Variants in ADAM18 observed in about 807,000 individuals in gnomAD.
ADAM18 encodes disintegrin and metalloproteinase domain-containing protein 18.
Under a neutral mutation model 94.4 loss-of-function variants are expected in ADAM18, and 117 were observed. The observed-to-expected ratio is 1.24, with a 90% CI of 1.07 to 1.45. ADAM18 has a LOEUF of 1.45. Ranked by LOEUF, ADAM18 falls within the 40% of genes most tolerant of loss-of-function variation. The probability of loss-of-function intolerance (pLI) is 0.00; values close to 1 mark genes in which losing one functional copy is unlikely to be tolerated. For missense variants in ADAM18, 936 were observed against 880.0 expected (o/e 1.06, Z -0.81); for synonymous variants, 327 against 291.6 (o/e 1.12, Z -1.24).
At chr8:39,680,973 T>C (rs879664103) in intron 16 of ADAM18, among the ~76,000 whole-genome samples, 8 of 152,212 alleles carry the variant, frequency 5.3e-5, no homozygotes, top group Non-Finnish European at 7.3e-5. Context: ...GAAACCTCTA[T>C]GTGGTAATCT....
chr8:39,621,934 A>G (rs1220265997), intron 6 of ADAM18, among the ~76,000 whole-genome samples: 1 of 152,156 alleles, frequency 6.6e-6, no homozygotes, highest in African/African-American at 2.4e-5. Flanking sequence ...AGGGTGGAGG[A>G]TGAGAAGAGG....
intron 18 of ADAM18, 108 bp downstream of exon 18, chr8:39,707,012 T>G: frequency 1.6e-6 from 1 of 619,612 alleles, no homozygotes; most frequent in South Asian, 2.2e-5. Context: ...ATTGCAGCAG[T>G]CCCTCCTTAT....
intron 18 of ADAM18, among the ~76,000 whole-genome samples, chr8:39,721,009 T>C (rs1205413274): frequency 1.3e-5 from 2 of 151,590 alleles, no homozygotes; most frequent in Admixed American, 6.6e-5. Context: ...ACCTGCTATT[T>C]CTATGCAAAG....
chr8:39,666,013 C>A (rs922668641), intron 13 of ADAM18, among the ~76,000 whole-genome samples: 2 of 151,990 alleles, frequency 1.3e-5, no homozygotes, highest in African/African-American at 4.8e-5. Context: ...TCATTTATGT[C>A]CTCTGAAAAT....
Position 39,586,803 on chromosome 8 carries a change from T to TCTA in ADAM18, c.132+1451_132+1452insCTA, listed in dbSNP as rs572485334. Among the ~76,000 whole-genome samples, 38 of 101,968 alleles carry TCTA rather than the reference T, an allele frequency of 3.7e-4. 1 individual carries two copies. The highest frequency in any genetic ancestry group is 6.3e-4 in the South Asian group (2 of 3,200). The allele number at this position is 101,968 out of a possible 152,430, so 66.9% of individuals were successfully genotyped here. On this transcript the variant is annotated intron_variant, in intron 2 of 19. Transcript: ENST00000265707. ...ATCTATCTATCTATCTATCTATCTA[T>TCTA]ATCTATCTATCTATCATCTATTCTG...
At chr8:39,611,230 G>A (rs1161147549) in intron 6 of ADAM18, 1 of 541,954 alleles carries the variant, frequency 1.8e-6, no homozygotes, top group African/African-American at 2.1e-5. Context: ...TTCTTATTGG[G>A]AATTCCTTGG....
chr8:39,701,117 CAAAAA>C (rs71237188), intron 17 of ADAM18, among the ~76,000 whole-genome samples: 77 of 34,536 alleles, frequency 2.2e-3, no homozygotes, highest in African/African-American at 7.2e-3. Flanking sequence ...GACTCTGTCT[CAAAAA>C]AAAAAAAAAA....
chr8:39,622,664 CTT>C (rs1009752255), intron 6 of ADAM18, among the ~76,000 whole-genome samples: 3 of 151,902 alleles, frequency 2.0e-5, no homozygotes, highest in Non-Finnish European at 2.9e-5. Context: ...TACAATCAAA[CTT>C]ATTAATTTTT....
chr8:39,722,034 T>C (rs1822764782), intron 18 of ADAM18, among the ~76,000 whole-genome samples: 1 of 150,524 alleles, frequency 6.6e-6, no homozygotes, highest in South Asian at 2.1e-4. Flanking sequence ...TATATATATA[T>C]GCACACACAT....
At chr8:39,612,508 C>T (rs57173303) in intron 6 of ADAM18, among the ~76,000 whole-genome samples, 1,721 of 152,240 alleles carry the variant, frequency 0.011, 40 homozygotes, top group African/African-American at 0.039. Context: ...GTGGCAGGGA[C>T]AGGACCCCAG....
At chr8:39,623,061 T>G (rs964980905) in intron 6 of ADAM18, among the ~76,000 whole-genome samples, 28 of 152,166 alleles carry the variant, frequency 1.8e-4, no homozygotes, top group African/African-American at 6.5e-4. Flanking sequence ...CCAATTTCCA[T>G]GATACCACTC....
At chr8:39,625,597 CCTT>C (rs1244224730) in intron 6 of ADAM18, among the ~76,000 whole-genome samples, 2 of 151,958 alleles carry the variant, frequency 1.3e-5, no homozygotes, top group East Asian at 1.9e-4. Flanking sequence ...GTGAAAGTAT[CCTT>C]CTTTGTCTTT....
intron 2 of ADAM18, among the ~76,000 whole-genome samples, chr8:39,602,079 G>T (rs188608443): frequency 6.6e-6 from 1 of 152,184 alleles, no homozygotes; most frequent in East Asian, 1.9e-4. Context: ...ATGGGCATTT[G>T]GGTTGCTTCC....
chr8:39,657,949 A>G (rs1005832635), intron 12 of ADAM18, among the ~76,000 whole-genome samples: 3 of 152,198 alleles, frequency 2.0e-5, no homozygotes, highest in African/African-American at 4.8e-5. Context: ...TTAAAAGGTT[A>G]TATTTTCCTA....
chr8:39,601,300 GC>G (rs766956611), intron 2 of ADAM18, among the ~76,000 whole-genome samples: 1 of 152,230 alleles, frequency 6.6e-6, no homozygotes, highest in Non-Finnish European at 1.5e-5. Flanking sequence ...GCCCAATGTG[GC>G]AGGGGCCAGG....
intron 12 of ADAM18, among the ~76,000 whole-genome samples, chr8:39,657,680 G>A (rs1273039023): frequency 1.3e-5 from 2 of 152,062 alleles, no homozygotes; most frequent in African/African-American, 4.8e-5. Context: ...TGTTGTTTTG[G>A]GGAAATGTCA....
chr8:39,685,522 T>C (rs1308155426), intron 16 of ADAM18: 1 of 152,220 alleles, frequency 6.6e-6, no homozygotes, highest in Non-Finnish European at 1.5e-5. Flanking sequence ...TGATAATCTG[T>C]GAAATGCCTT....
chr8:39,683,155 T>C (rs1427596017), intron 16 of ADAM18, among the ~76,000 whole-genome samples: 1 of 152,220 alleles, frequency 6.6e-6, no homozygotes, highest in Non-Finnish European at 1.5e-5. Context: ...TGAAATAAGC[T>C]ACCATGTTGA....
chr8:39,706,703 TTTAG>T (rs1157633833), intron 17 of ADAM18, 83 bp from the exon 18 acceptor site: 10 of 565,672 alleles, frequency 1.8e-5, no homozygotes, highest in African/African-American at 7.6e-5. Context: ...TTCTATGAAA[TTTAG>T]TTATTTATAT....
Sources: gnomAD v4.1 joint callset for allele counts (sites outside exome capture counted in the v4.1 genomes callset) on GRCh38, gnomAD v4.1.1 for gene constraint, MANE v1.5 for transcripts, NCBI Gene and HGNC (gene_info 2026-07-23, HGNC 2026-07-21) for gene names.